Variants in ESR1 observed in about 807,000 individuals in gnomAD.
ESR1 encodes the protein estrogen receptor 1.
ESR1 carries 12 observed loss-of-function variants against 52.7 expected under a neutral mutation model. The observed-to-expected ratio is 0.23, with a 90% CI of 0.15 to 0.37. The LOEUF (loss-of-function observed/expected upper bound fraction) is 0.37. Ranked by LOEUF, ESR1 falls within the 10% of genes least tolerant of loss-of-function variation. The probability of loss-of-function intolerance (pLI) is 1.00; values close to 1 mark genes in which losing one functional copy is unlikely to be tolerated. For missense variants in ESR1, 584 were observed against 779.7 expected, an observed-to-expected ratio of 0.75 and a Z score of 2.99; for synonymous variants, 305 against 316.8, an observed-to-expected ratio of 0.96 and a Z score of 0.39.
chr6:152,032,069 G>C (rs965659145), intron 5 of ESR1, among the ~76,000 whole-genome samples: 1 of 152,082 alleles, frequency 6.6e-6, no homozygotes, highest in Admixed American at 6.6e-5. Flanking sequence ...ATGCAGAAAA[G>C]GCCTTTGACA....
intron 5 of ESR1, among the ~76,000 whole-genome samples, chr6:152,056,949 A>G (rs761290494): frequency 3.6e-4 from 55 of 152,238 alleles, no homozygotes; most frequent in Non-Finnish European, 2.8e-4. Flanking sequence ...TTTTACAGTC[A>G]TGTTACTTCC....
chr6:151,879,112 AT>A, intron 2 of ESR1, among the ~76,000 whole-genome samples: 2 of 152,274 alleles, frequency 1.3e-5, no homozygotes, highest in Middle Eastern at 6.8e-3. Flanking sequence ...CTCTGGCTTA[AT>A]GTTGGATGGA....
chr6:151,797,114 A>C (rs563371612), intron 2 of ESR1, among the ~76,000 whole-genome samples: 2 of 152,372 alleles, frequency 1.3e-5, no homozygotes, highest in African/African-American at 4.8e-5. Flanking sequence ...CTGGGGTTAC[A>C]AGTGTTACTG....
At chr6:151,834,694 A>C (rs1005064593) in intron 1 of ESR1, among the ~76,000 whole-genome samples, 16 of 152,166 alleles carry the variant, frequency 1.1e-4, no homozygotes, top group Non-Finnish European at 2.2e-4. Context: ...AACTTAAAGT[A>C]TAATTAAAAA....
Position 151,669,147 on chromosome 6 carries a change from GGAGAGAGAGA to G in ESR1, n.73+12417_73+12426del, listed in dbSNP as rs541895194. ...GTGGTAGGAAGCTCTTTGGGAGCTGGGAGAGAGAGAGAGAGAGAGAGAGAGAGAGAGAGAG... is the reference window on the plus strand; with the variant it reads ...GTGGTAGGAAGCTCTTTGGGAGCTGGGAGAGAGAGAGAGAGAGAGAGAGAG... On this transcript the variant is annotated intron_variant and non_coding_transcript_variant, in intron 1 of 2. Coordinates refer to the ESR1 transcript ENST00000473497. 1.1e-3 allele frequency among the ~76,000 whole-genome samples: 76 copies of G among 69,296 alleles called. 4 individuals carry two copies. Among genetic ancestry groups the G allele is most frequent in the African/African-American group, 6.1e-3 (73 of 11,968 alleles). The allele number at this position is 69,296 out of a possible 152,430, so 45.5% of individuals were successfully genotyped here.
intron 2 of ESR1, among the ~76,000 whole-genome samples, chr6:151,870,871 A>G (rs78999273): frequency 2.0e-5 from 3 of 150,880 alleles, no homozygotes; most frequent in African/African-American, 4.9e-5. Flanking sequence ...TTTTTTTTTA[A>G]GGCAGGGTCT....
intron 2 of ESR1, among the ~76,000 whole-genome samples, chr6:151,783,596 C>T (rs2128124395): frequency 6.6e-6 from 1 of 152,196 alleles, no homozygotes; most frequent in East Asian, 1.9e-4. Context: ...TATTTTAGAA[C>T]AGTTTTAGAT....
chr6:151,902,856 G>A (rs1288943711), intron 3 of ESR1, among the ~76,000 whole-genome samples: 3 of 152,142 alleles, frequency 2.0e-5, no homozygotes, highest in East Asian at 1.9e-4. Context: ...GCCAGTTTTA[G>A]TATACTGTCA....
At chr6:151,892,385 G>T (rs770967517) in intron 3 of ESR1, among the ~76,000 whole-genome samples, 1 of 152,086 alleles carries the variant, frequency 6.6e-6, no homozygotes, top group Non-Finnish European at 1.5e-5. Flanking sequence ...TGTAAAAACC[G>T]GTAGGAATGG....
chr6:152,012,548 A>G (rs1373991837), intron 5 of ESR1, among the ~76,000 whole-genome samples: 1 of 152,160 alleles, frequency 6.6e-6, no homozygotes, highest in Non-Finnish European at 1.5e-5. Context: ...TAAATCTCAG[A>G]GACATCCTGC....
At chr6:151,667,844 G>A (rs1777884330) in intron 1 of ESR1, among the ~76,000 whole-genome samples, 1 of 152,238 alleles carries the variant, frequency 6.6e-6, no homozygotes, top group South Asian at 2.1e-4. Flanking sequence ...CCTTCAGAGT[G>A]AGGAGGAAGA....
chr6:151,731,216 C>A (rs927713103), intron 2 of ESR1, among the ~76,000 whole-genome samples: 1 of 151,944 alleles, frequency 6.6e-6, no homozygotes, highest in Non-Finnish European at 1.5e-5. Context: ...ATTAGCTGGG[C>A]GTGGTGGTGC....
At chr6:151,972,682 T>C (rs923773343) in intron 4 of ESR1, among the ~76,000 whole-genome samples, 3 of 152,154 alleles carry the variant, frequency 2.0e-5, no homozygotes, top group African/African-American at 4.8e-5. Flanking sequence ...TAGGGTTCTC[T>C]AGAGGGACAG....
chr6:152,122,101 A>G (rs2051520223), intron 6 of ESR1: 3 of 379,944 alleles, frequency 7.9e-6, no homozygotes, highest in Non-Finnish European at 1.5e-5. Context: ...CAGATGGTCT[A>G]CTGAAGTCCT....
intron 5 of ESR1, among the ~76,000 whole-genome samples, chr6:152,028,407 G>T (rs1054478677): frequency 2.0e-5 from 3 of 152,178 alleles, no homozygotes; most frequent in African/African-American, 7.2e-5. Flanking sequence ...AAGGAAAGGG[G>T]TGACAGACGG....
At chr6:152,048,823 C>A (rs1390106912) in intron 5 of ESR1, among the ~76,000 whole-genome samples, 1 of 152,166 alleles carries the variant, frequency 6.6e-6, no homozygotes, top group Non-Finnish European at 1.5e-5. Context: ...GTCAGTGTAT[C>A]AAAAATAGAG....
chr6:152,128,202 A>C (rs1585533930), exon 7 of ESR1: 1 of 152,342 alleles, frequency 6.6e-6, no homozygotes, highest in East Asian at 1.9e-4. Context: ...TACCAGCTAG[A>C]CCATCATAAG....
At chr6:151,826,567 C>T (rs913864895) in intron 1 of ESR1, among the ~76,000 whole-genome samples, 2 of 152,212 alleles carry the variant, frequency 1.3e-5, no homozygotes, top group Non-Finnish European at 2.9e-5. Flanking sequence ...TTCCTAGGCA[C>T]CACATGGGAT....
upstream of ESR1, chr6:151,690,359 G>A (rs781247527): frequency 6.6e-6 from 1 of 152,202 alleles, no homozygotes. Flanking sequence ...TAATGGAAGT[G>A]CTAAGAAAGT....
Sources: gnomAD v4.1 joint callset for allele counts (sites outside exome capture counted in the v4.1 genomes callset) on GRCh38, gnomAD v4.1.1 for gene constraint, MANE v1.5 for transcripts, NCBI Gene and HGNC (gene_info 2026-07-23, HGNC 2026-07-21) for gene names.